The following PRR16 variants were observed in gnomAD, a reference collection of about 807,000 sequenced individuals.
PRR16 encodes protein Largen.
Under a neutral mutation model 18.2 loss-of-function variants are expected in PRR16, and 6 were observed. That is an observed-to-expected ratio of 0.33 (90% CI 0.18 to 0.65). The LOEUF (loss-of-function observed/expected upper bound fraction) is 0.65. PRR16 is among the 30% of genes least tolerant of loss of function. The pLI is 0.74. For synonymous variants in PRR16, 151 were observed against 147.8 expected (o/e 1.02, Z -0.16); for missense variants, 412 against 376.6 (o/e 1.09, Z -0.78).
At chr5:120,520,392 C>T (rs2112650745) in intron 1 of PRR16, among the ~76,000 whole-genome samples, 1 of 152,064 alleles carries the variant, frequency 6.6e-6, no homozygotes, top group South Asian at 2.1e-4. Context: ...AAGACTCTGT[C>T]TCCAAAAGAA....
chr5:120,668,053 A>G (rs921255285), intron 1 of PRR16, among the ~76,000 whole-genome samples: 33 of 151,970 alleles, frequency 2.2e-4, no homozygotes, highest in Non-Finnish European at 3.1e-4. Flanking sequence ...TGACAGTGGG[A>G]TGTTAAAGTC....
chr5:120,793,731 A>G, the PRR16 span, among the ~76,000 whole-genome samples: 1 of 152,218 alleles, frequency 6.6e-6, no homozygotes, highest in South Asian at 2.1e-4. Context: ...ATAGTCATGT[A>G]TTGCTTAAAA....
At chr5:120,530,254 A>AATATATATAT (rs3047950) in intron 1 of PRR16, among the ~76,000 whole-genome samples, 63 of 106,698 alleles carry the variant, frequency 5.9e-4, no homozygotes, top group African/African-American at 1.7e-3. Flanking sequence ...AGTGTGTGTA[A>AATATATATAT]ATATATATAT....
chr5:120,562,882 A>G (rs775294669), intron 1 of PRR16, among the ~76,000 whole-genome samples: 1 of 152,030 alleles, frequency 6.6e-6, no homozygotes, highest in Non-Finnish European at 1.5e-5. Flanking sequence ...TTACTGGTTC[A>G]TTAGTCTTTC....
intron 1 of PRR16, among the ~76,000 whole-genome samples, chr5:120,495,485 A>G (rs558866148): frequency 1.3e-5 from 2 of 152,248 alleles, no homozygotes; most frequent in African/African-American, 2.4e-5. Context: ...TACAATGCCT[A>G]CAATATCACT....
chr5:120,541,327 G>A (rs1214206908), intron 1 of PRR16, among the ~76,000 whole-genome samples: 1 of 152,110 alleles, frequency 6.6e-6, no homozygotes, highest in Admixed American at 6.5e-5. Flanking sequence ...TGTATTTTTA[G>A]TTGAGATGTG....
At chr5:120,579,412 T>G (rs926815511) in intron 1 of PRR16, among the ~76,000 whole-genome samples, 2 of 152,220 alleles carry the variant, frequency 1.3e-5, no homozygotes, top group African/African-American at 2.4e-5. Context: ...TTAATCCATC[T>G]TGAGTTAATT....
intron 1 of PRR16, among the ~76,000 whole-genome samples, chr5:120,648,295 T>G (rs974387488): frequency 6.6e-6 from 1 of 152,118 alleles, no homozygotes; most frequent in East Asian, 1.9e-4. Flanking sequence ...TAGCTTCACT[T>G]TTTTTACCTC....
At chr5:120,640,551 AAT>A (rs1755388313) in intron 1 of PRR16, among the ~76,000 whole-genome samples, 1 of 152,134 alleles carries the variant, frequency 6.6e-6, no homozygotes, top group Admixed American at 6.6e-5. Flanking sequence ...TCTGAGGAAA[AAT>A]AGTGTTTTAT....
the PRR16 span, among the ~76,000 whole-genome samples, chr5:120,748,127 G>C: frequency 2.0e-4 from 31 of 152,104 alleles, no homozygotes; most frequent in Non-Finnish European, 3.7e-4. Context: ...GGATAGATGG[G>C]ATTTTTAATA....
the PRR16 span, among the ~76,000 whole-genome samples, chr5:120,763,887 C>T: frequency 7.2e-5 from 11 of 152,012 alleles, no homozygotes; most frequent in East Asian, 2.1e-3. Flanking sequence ...AGATATGCTA[C>T]TGATTGTTTA....
At chr5:120,656,704 A>G (rs1010572590) in intron 1 of PRR16, among the ~76,000 whole-genome samples, 8 of 151,972 alleles carry the variant, frequency 5.3e-5, no homozygotes, top group African/African-American at 1.9e-4. Flanking sequence ...ATAAACAAAT[A>G]TAAGCAATTT....
In PRR16 at chr5:120,481,955, G is replaced by T. The variant is rs370907099; in HGVS notation, c.159+17310G>T. Among the ~76,000 whole-genome samples, 224 of 152,060 alleles carry T rather than the reference G, an allele frequency of 1.5e-3. 1 individual carries two copies. Among genetic ancestry groups the T allele is most frequent in the African/African-American group, 5.3e-3 (221 of 41,504 alleles). ...TGACTAATGGTTCTTTTTTATTGTT[G>T]TTATGAGTGCCATAATTTTAATGTG... On this transcript the variant is annotated intron_variant, in intron 1 of 1. Coordinates refer to ENST00000407149, the MANE Select transcript of PRR16 (RefSeq NM_001300783.2).
At chr5:120,483,702 T>C (rs1421193274) in intron 1 of PRR16, among the ~76,000 whole-genome samples, 1 of 152,088 alleles carries the variant, frequency 6.6e-6, no homozygotes, top group Non-Finnish European at 1.5e-5. Flanking sequence ...CACAAATATA[T>C]CATCTTTTAT....
chr5:120,512,478 C>G (rs1407329797), intron 1 of PRR16, among the ~76,000 whole-genome samples: 2 of 151,972 alleles, frequency 1.3e-5, no homozygotes, highest in Non-Finnish European at 2.9e-5. Context: ...ACCGTTATTC[C>G]CAGTAATCAG....
At chr5:120,668,533 G>C (rs984509000) in intron 1 of PRR16, among the ~76,000 whole-genome samples, 1 of 152,032 alleles carries the variant, frequency 6.6e-6, no homozygotes, top group South Asian at 2.1e-4. Flanking sequence ...TTAGTTGATG[G>C]AGTTTCTTCC....
chr5:120,649,359 C>G (rs1003091652), intron 1 of PRR16, among the ~76,000 whole-genome samples: 1 of 152,028 alleles, frequency 6.6e-6, no homozygotes, highest in African/African-American at 2.4e-5. Context: ...GTCAAGGAAG[C>G]CCACATGATT....
chr5:120,763,027 CT>C, the PRR16 span, among the ~76,000 whole-genome samples: 1 of 152,086 alleles, frequency 6.6e-6, no homozygotes, highest in Non-Finnish European at 1.5e-5. Flanking sequence ...AGATAATGTA[CT>C]TTCCCCAATA....
chr5:120,519,140 G>C (rs556780591), intron 1 of PRR16, among the ~76,000 whole-genome samples: 4 of 152,104 alleles, frequency 2.6e-5, no homozygotes, highest in African/African-American at 9.6e-5. Context: ...AGTTTGGAGG[G>C]CATGGAGAGA....
Sources: gnomAD v4.1 joint callset for allele counts (sites outside exome capture counted in the v4.1 genomes callset) on GRCh38, gnomAD v4.1.1 for gene constraint, MANE v1.5 for transcripts, NCBI Gene and HGNC (gene_info 2026-07-23, HGNC 2026-07-21) for gene names.